The following APLP2 variants were observed in gnomAD, a reference collection of about 807,000 sequenced individuals.
The protein encoded by APLP2 is amyloid beta precursor like protein 2.
Under a neutral mutation model 89.9 loss-of-function variants are expected in APLP2, and 53 were observed. That is an observed-to-expected ratio of 0.59 (90% CI 0.47 to 0.74). The LOEUF (loss-of-function observed/expected upper bound fraction) is 0.74, where lower values mean the gene tolerates loss of function less well. Among genes scored for constraint, APLP2 ranks in the 30% least tolerant of loss-of-function variants. APLP2 has a pLI of 0.00. For missense variants in APLP2, 973 were observed against 975.9 expected (o/e 1.00, Z 0.04); for synonymous variants, 372 against 348.6 (o/e 1.07, Z -0.75).
intron 1 of APLP2, chr11:130,101,582 A>G (rs1461373215): frequency 5.9e-6 from 1 of 168,826 alleles, no homozygotes; most frequent in Non-Finnish European, 1.3e-5. Context: ...TTTTTGACAG[A>G]TGAGACTCTT....
chr11:130,085,275 C>T (rs999322243), intron 1 of APLP2, among the ~76,000 whole-genome samples: 2 of 152,228 alleles, frequency 1.3e-5, no homozygotes, highest in South Asian at 2.1e-4. Context: ...CATGGCGAAA[C>T]GCCGTCTCTA....
At chr11:130,137,051 T>A (rs1468323568) in intron 13 of APLP2, among the ~76,000 whole-genome samples, 2 of 152,198 alleles carry the variant, frequency 1.3e-5, no homozygotes, top group African/African-American at 4.8e-5. Flanking sequence ...TTCTCTCTTA[T>A]CAAGGATACC....
At chr11:130,124,721 A>G (rs770253132) in intron 7 of APLP2, among the ~76,000 whole-genome samples, 41 of 152,176 alleles carry the variant, frequency 2.7e-4, no homozygotes, top group Admixed American at 1.3e-4. Context: ...AGATCTTTCA[A>G]ATCTTAATGT....
chr11:130,141,575 A>G lies in APLP2; in HGVS notation c.1998+3A>G, dbSNP rs1387607112. The G allele has an allele frequency of 1.9e-6, 3 of 1,613,470 alleles. No individual in the cohort carries two copies. The highest frequency in any genetic ancestry group is 1.7e-5 in the Admixed American group (1 of 59,990). On this transcript the variant is annotated splice_donor_region_variant and intron_variant, in intron 15 of 16. Transcript: ENST00000338167. The surrounding 1 kb of genome is among the most constrained non-coding windows in gnomAD (Gnocchi z 4.2). ...TTGGAGGCCTCGAGGAAGAGCGGGTACGTGTTTAGCTCCAGAACCTAAGGT... is the reference window on the plus strand; with the variant it reads ...TTGGAGGCCTCGAGGAAGAGCGGGTGCGTGTTTAGCTCCAGAACCTAAGGT...
In APLP2 at chr11:130,112,475, CAG is replaced by C. The variant is rs547224220; in HGVS notation, c.403+1815_403+1816del. On this transcript the variant is annotated intron_variant, in intron 3 of 16. Transcript: ENST00000338167. The stretch of plus-strand genomic sequence containing the variant: ...TATTAAGTTGTTGGGTCTAAGGTGA[CAG>C]GACACAGTACTTATTAAGTTGTTGG... Among the ~76,000 whole-genome samples, 384 of 152,298 alleles carry C rather than the reference CAG, an allele frequency of 2.5e-3. 2 individuals are homozygous for C. Among genetic ancestry groups the C allele is most frequent in the African/African-American group, 8.8e-3 (364 of 41,560 alleles).
chr11:130,143,294 T>A, intron 16 of APLP2, 53 bp from the exon 17 acceptor site: 2 of 1,521,798 alleles, frequency 1.3e-6, no homozygotes, highest in Non-Finnish European at 1.8e-6. Context: ...CCCAGCACCC[T>A]GTGCAGGTCT....
intron 1 of APLP2, among the ~76,000 whole-genome samples, chr11:130,098,330 G>T (rs1006888568): frequency 1.3e-5 from 2 of 152,012 alleles, no homozygotes; most frequent in African/African-American, 2.4e-5. Context: ...GCTAGAACCC[G>T]GGAGTCGGAG....
intron 3 of APLP2, 87 bp downstream of exon 3, chr11:130,110,748 C>T: frequency 3.5e-6 from 5 of 1,442,634 alleles, no homozygotes; most frequent in Non-Finnish European, 4.6e-6. Context: ...GAAATATTTA[C>T]ACCTGTTAAG....
intron 1 of APLP2, 24 bp from the exon 2 acceptor site, chr11:130,109,405 C>A: frequency 6.2e-7 from 1 of 1,600,252 alleles, no homozygotes. Flanking sequence ...TGGAGTAAAC[C>A]TGCAATTTTT....
At chr11:130,097,719 C>T (rs1946397091) in intron 1 of APLP2, among the ~76,000 whole-genome samples, 1 of 152,116 alleles carries the variant, frequency 6.6e-6, no homozygotes. Context: ...AAACCTAAAC[C>T]TGTGATTTCC....
chr11:130,071,532 G>C (rs1941099434), intron 1 of APLP2, among the ~76,000 whole-genome samples: 1 of 152,220 alleles, frequency 6.6e-6, no homozygotes, highest in Non-Finnish European at 1.5e-5. Context: ...CTTTCGTATG[G>C]AAGATGGGAC....
At chr11:130,080,702 T>C (rs1229479645) in intron 1 of APLP2, among the ~76,000 whole-genome samples, 3 of 150,042 alleles carry the variant, frequency 2.0e-5, no homozygotes, top group African/African-American at 7.3e-5. Flanking sequence ...TCTTTCTTTT[T>C]TTTTTTTTTT....
chr11:130,095,098 T>C (rs11822215), intron 1 of APLP2, among the ~76,000 whole-genome samples: 16,783 of 87,774 alleles, frequency 0.19, 1,181 homozygotes, highest in East Asian at 0.39. Flanking sequence ...ACAGTACGCT[T>C]TTATGTTATA....
rs1952775714 is a variant in APLP2, at chr11:130,144,740, A to G, written c.*1292A>G. 6.6e-6 allele frequency: 1 copy of G among 151,932 alleles called. No individual in the cohort carries two copies. Among genetic ancestry groups the G allele is most frequent in the South Asian group, 2.1e-4 (1 of 4,796 alleles). 9.4% of individuals were successfully genotyped at this position (151,932 alleles called of 1,614,324 possible). A position where few individuals can be genotyped will look rare whatever the true frequency, so the allele number is the denominator to read the frequency against. The stretch of plus-strand genomic sequence containing the variant: ...TGCACAGATTAAACTTCACCTACAA[A>G]CTCCTTAATATGATCTGTGGAGAAT... On this transcript the variant is annotated 3_prime_UTR_variant, in exon 17 of 17. Coordinates refer to ENST00000338167, the MANE Select transcript of APLP2 (RefSeq NM_001142276.2).
At chr11:130,091,158 G>T (rs1945020717) in intron 1 of APLP2, among the ~76,000 whole-genome samples, 1 of 136,508 alleles carries the variant, frequency 7.3e-6, no homozygotes, top group Non-Finnish European at 1.6e-5. Flanking sequence ...CTTCCCAGTA[G>T]GGGCGGCCGG....
At chr11:130,142,149 G>T in intron 16 of APLP2, 75 bp downstream of exon 16, 1 of 1,451,766 alleles carries the variant, frequency 6.9e-7, no homozygotes, top group East Asian at 2.5e-5. Flanking sequence ...GGAATTAATA[G>T]GCATCTTCAC....
In APLP2 at chr11:130,101,950, C is replaced by T. The variant is rs548693812; in HGVS notation, c.106-7479C>T. On this transcript the variant is annotated intron_variant, in intron 1 of 16. Coordinates refer to ENST00000338167, the MANE Select transcript of APLP2 (RefSeq NM_001142276.2). The stretch of plus-strand genomic sequence containing the variant: ...GTCTTCTCAGATCTGTTGCAGTCCC[C>T]GGTCTTTCCTGATCAGCACCCTCAA... The T allele has an allele frequency of 5.7e-5, 26 of 456,192 alleles. No homozygotes were observed. The East Asian group carries it at 6.3e-4, about 11-fold the overall frequency. The allele number at this position is 456,192 out of a possible 1,614,324, so 28.3% of individuals were successfully genotyped here. A position where few individuals can be genotyped will look rare whatever the true frequency, so the allele number is the denominator to read the frequency against.
intron 1 of APLP2, among the ~76,000 whole-genome samples, chr11:130,102,396 C>T (rs183137337): frequency 2.6e-5 from 4 of 152,336 alleles, no homozygotes; most frequent in African/African-American, 9.6e-5. Context: ...GTTACATTGC[C>T]TTCGCAGGGT....
At chr11:130,104,651 A>T (rs1365771865) in intron 1 of APLP2, among the ~76,000 whole-genome samples, 1 of 152,140 alleles carries the variant, frequency 6.6e-6, no homozygotes, top group East Asian at 1.9e-4. Context: ...CTTCCTACAC[A>T]TATCTTTAGG....
Sources: gnomAD v4.1 joint callset for allele counts (sites outside exome capture counted in the v4.1 genomes callset) on GRCh38, gnomAD v4.1.1 for gene constraint, Gnocchi (gnomAD v3.1) non-coding constraint, MANE v1.5 for transcripts, NCBI Gene and HGNC (gene_info 2026-07-23, HGNC 2026-07-21) for gene names.